DNAJC13: variants seen among roughly 807,000 people sequenced by gnomAD.
DNAJC13 encodes dnaJ homolog subfamily C member 13.
In DNAJC13, 75 loss-of-function variants were observed where a neutral mutation model predicts 290.5. The observed-to-expected ratio is 0.26, with a 90% CI of 0.21 to 0.31. DNAJC13 has a LOEUF of 0.31. DNAJC13 is among the 10% of genes least tolerant of loss of function. The probability of loss-of-function intolerance (pLI) is 1.00; values close to 1 mark genes in which losing one functional copy is unlikely to be tolerated. For missense variants in DNAJC13, 2,260 were observed against 2,674.5 expected, an observed-to-expected ratio of 0.85 and a Z score of 3.42; for synonymous variants, 862 against 892.0, an observed-to-expected ratio of 0.97 and a Z score of 0.60.
At chr3:132,474,484 C>A (rs1161489833) in intron 21 of DNAJC13, 1 of 152,366 alleles carries the variant, frequency 6.6e-6, no homozygotes, top group Non-Finnish European at 1.5e-5. Flanking sequence ...TCATGATCCT[C>A]CTGCCTCGGC....
In DNAJC13 at chr3:132,499,823, T is replaced by C; in HGVS notation, c.4416+15T>C. On this transcript the variant is annotated intron_variant, in intron 38 of 55. Coordinates refer to ENST00000260818, the MANE Select transcript of DNAJC13 (RefSeq NM_015268.4). Reference sequence around the variant, plus strand: ...TGTCAGTACAGGTGAGGCTAAAACCTGTGGTTCCAAGAAAATTGCACTAGT... The same window carrying C: ...TGTCAGTACAGGTGAGGCTAAAACCCGTGGTTCCAAGAAAATTGCACTAGT... 6.2e-7 allele frequency: 1 copy of C among 1,610,212 alleles called. No homozygotes were observed. Among genetic ancestry groups the C allele is most frequent in the Non-Finnish European group, 8.5e-7 (1 of 1,178,296 alleles).
intron 36 of DNAJC13, 132 bp downstream of exon 36, chr3:132,496,795 A>T (rs1935246219): frequency 4.4e-6 from 4 of 900,352 alleles, no homozygotes; most frequent in Non-Finnish European, 1.5e-6. Context: ...TCTTGGAATT[A>T]TGTTTTAAAT....
chr3:132,478,164 T>C (rs1183294518), intron 24 of DNAJC13, 24 bp downstream of exon 24: 2 of 1,570,236 alleles, frequency 1.3e-6, no homozygotes, highest in Non-Finnish European at 1.7e-6. Flanking sequence ...TTAAGGAAAT[T>C]ACTATTTGAT....
intron 4 of DNAJC13, 91 bp downstream of exon 4, chr3:132,447,561 G>A: frequency 8.2e-7 from 1 of 1,217,368 alleles, no homozygotes; most frequent in South Asian, 1.9e-5. Flanking sequence ...AATGTTCTCT[G>A]CCCCTGTACC....
At position 132,494,237 on chromosome 3, in the gene DNAJC13, A is replaced by G. The variant is rs1358540989; in HGVS notation, c.3919A>G (p.Asn1307Asp). 1 of 1,612,894 alleles carries G rather than the reference A, an allele frequency of 6.2e-7. No homozygotes were observed. Among genetic ancestry groups the G allele is most frequent in the African/African-American group, 1.3e-5 (1 of 74,850 alleles). The change falls in exon 34 of 56, where the codon AAT (asparagine) becomes GAT (aspartate). Residue 1307 changes from asparagine (N) to aspartate (D), a missense_variant. This residue lies in a region of DNAJC13 where 1,494 missense variants were observed against 1,693.7 expected (regional missense o/e 0.88). Coordinates refer to ENST00000260818, the MANE Select transcript of DNAJC13 (RefSeq NM_015268.4). ...AATAGATGATGCTTATGAAGTGCTT[A>G]ATCTGCCTCAAGGACAGGGACCGTG... ...MSIDDAYEVL[N>D]LPQGQGPHDE... is the part of the protein sequence containing the mutation.
rs1193895499 is a variant in DNAJC13, at chr3:132,499,819, A to T, written c.4416+11A>T. 4 of 1,611,090 alleles carry T rather than the reference A, an allele frequency of 2.5e-6. No homozygotes were observed. Among genetic ancestry groups the T allele is most frequent in the Non-Finnish European group, 2.5e-6 (3 of 1,178,466 alleles). On this transcript the variant is annotated intron_variant, in intron 38 of 55. Transcript: ENST00000260818. ...GACATGTCAGTACAGGTGAGGCTAA[A>T]ACCTGTGGTTCCAAGAAAATTGCAC...
chr3:132,529,514 G>A (rs6785606), intron 54 of DNAJC13, among the ~76,000 whole-genome samples: 89,927 of 152,074 alleles, frequency 0.59, 28,878 homozygotes, highest in East Asian at 0.87. Flanking sequence ...TAGGCTGGGC[G>A]CGGTGGCTCA....
intron 41 of DNAJC13, 114 bp from the exon 42 acceptor site, chr3:132,505,188 A>T: frequency 1.5e-6 from 1 of 650,488 alleles, no homozygotes; most frequent in Non-Finnish European, 2.7e-6. Flanking sequence ...ATTGAGGTCC[A>T]TTATACTATA....
chr3:132,460,998 C>G, intron 14 of DNAJC13, 52 bp from the exon 15 acceptor site: 2 of 1,531,756 alleles, frequency 1.3e-6, no homozygotes, highest in Non-Finnish European at 1.8e-6. Context: ...TAAAATTTAA[C>G]TGAAGGTCCC....
chr3:132,419,576 G>C (rs1347240241), intron 1 of DNAJC13, among the ~76,000 whole-genome samples: 1 of 152,210 alleles, frequency 6.6e-6, no homozygotes, highest in Non-Finnish European at 1.5e-5. Flanking sequence ...AAATTGAAAA[G>C]ATGTGTTTTA....
intron 45 of DNAJC13, 59 bp downstream of exon 45, chr3:132,513,158 G>C: frequency 7.2e-7 from 1 of 1,385,870 alleles, no homozygotes; most frequent in Non-Finnish European, 1.0e-6. Context: ...TGTGTAATTT[G>C]AGTCTCTATC....
At chr3:132,435,094 G>T (rs1227330262) in intron 2 of DNAJC13, among the ~76,000 whole-genome samples, 2 of 152,160 alleles carry the variant, frequency 1.3e-5, no homozygotes, top group Non-Finnish European at 2.9e-5. Flanking sequence ...GGGAGGGAGT[G>T]ATGGCATTTT....
chr3:132,479,404 A>G lies in DNAJC13; in HGVS notation c.2772+115A>G, dbSNP rs112729074. 2,195 of 715,916 alleles carry G rather than the reference A, an allele frequency of 3.1e-3. 20 individuals are homozygous for G. The highest frequency in any genetic ancestry group is 0.019 in the East Asian group (692 of 37,232). 44.3% of individuals were successfully genotyped at this position (715,916 alleles called of 1,614,324 possible). A position where few individuals can be genotyped will look rare whatever the true frequency, so the allele number is the denominator to read the frequency against. Reference sequence around the variant, plus strand: ...TGTTCTTTTCTGTCTTCTCCTTTTTAGACAGAAAGTTCTGTGTGCTCTAAT... The same window carrying G: ...TGTTCTTTTCTGTCTTCTCCTTTTTGGACAGAAAGTTCTGTGTGCTCTAAT... On this transcript the variant is annotated intron_variant, in intron 25 of 55. Coordinates refer to ENST00000260818, the MANE Select transcript of DNAJC13 (RefSeq NM_015268.4).
intron 17 of DNAJC13, among the ~76,000 whole-genome samples, chr3:132,464,361 A>G (rs914183622): frequency 5.9e-5 from 9 of 152,194 alleles, no homozygotes; most frequent in African/African-American, 2.2e-4. Context: ...TCCACACTAC[A>G]TGAATTCCAG....
intron 1 of DNAJC13, among the ~76,000 whole-genome samples, chr3:132,419,274 T>A (rs1032478161): frequency 1.2e-4 from 19 of 152,240 alleles, no homozygotes; most frequent in Non-Finnish European, 1.3e-4. Context: ...TCAGCATTTG[T>A]ATTCCACTGA....
chr3:132,475,640 C>A (rs939891569), intron 22 of DNAJC13, among the ~76,000 whole-genome samples: 2 of 152,124 alleles, frequency 1.3e-5, no homozygotes, highest in African/African-American at 4.8e-5. Context: ...AGTGATCCTG[C>A]GGGCTTTGAT....
intron 46 of DNAJC13, chr3:132,514,897 AATAAC>A: frequency 4.0e-6 from 1 of 251,634 alleles, no homozygotes; most frequent in South Asian, 8.0e-5. Flanking sequence ...ACCAAAGGAA[AATAAC>A]CTGGGATTTT....
chr3:132,473,046 T>G, intron 20 of DNAJC13, 99 bp from the exon 21 acceptor site: 1 of 779,598 alleles, frequency 1.3e-6, no homozygotes, highest in Non-Finnish European at 2.1e-6. Context: ...CAAAATTTGA[T>G]GAAAGAAATG....
intron 20 of DNAJC13, among the ~76,000 whole-genome samples, chr3:132,471,233 C>G (rs1461956028): frequency 7.5e-6 from 1 of 134,056 alleles, no homozygotes; most frequent in African/African-American, 2.8e-5. Context: ...GGCGGCTGGC[C>G]GGGCGGGGGG....
Sources: allele counts gnomAD v4.1 joint callset (sites outside exome capture counted in the v4.1 genomes callset), GRCh38; gene constraint gnomAD v4.1.1; regional missense constraint gnomAD v4.1.1; transcripts MANE v1.5; gene names NCBI Gene and HGNC (gene_info 2026-07-23, HGNC 2026-07-21).